The following A2ML1 variants were observed in gnomAD, a reference collection of about 807,000 sequenced individuals.
A2ML1 encodes alpha-2-macroglobulin like 1, also known as alpha-2-macroglobulin-like protein 1.
In A2ML1, 161 loss-of-function variants were observed where a neutral mutation model predicts 181.9. The observed-to-expected ratio is 0.89, with a 90% CI of 0.78 to 1.01. The LOEUF (loss-of-function observed/expected upper bound fraction) is 1.01, where lower values mean the gene tolerates loss of function less well. Ranked by LOEUF, A2ML1 falls within the 50% of genes least tolerant of loss-of-function variation. A2ML1 has a pLI of 0.00. For synonymous variants in A2ML1, 663 were observed against 666.8 expected, an observed-to-expected ratio of 0.99 and a Z score of 0.09; for missense variants, 1,670 against 1,768.1, an observed-to-expected ratio of 0.94 and a Z score of 1.00.
intron 11 of A2ML1, 43 bp from the exon 12 acceptor site, chr12:8,843,091 T>C: frequency 6.3e-7 from 1 of 1,575,724 alleles, no homozygotes; most frequent in Non-Finnish European, 8.7e-7. Context: ...GTTTCCATGG[T>C]TGGAGCACAT....
intron 4 of A2ML1, among the ~76,000 whole-genome samples, chr12:8,830,467 G>A (rs1365631423): frequency 6.6e-6 from 1 of 151,932 alleles, no homozygotes; most frequent in African/African-American, 2.4e-5. Context: ...TTTCTATGAG[G>A]CAAAATAATT....
intron 6 of A2ML1, among the ~76,000 whole-genome samples, chr12:8,835,952 G>A (rs1021325397): frequency 6.9e-6 from 1 of 144,952 alleles, no homozygotes. Flanking sequence ...GGTGCAGCTT[G>A]CAGTGAGCTG....
Position 8,857,490 on chromosome 12 carries a change from C to T in A2ML1, c.3026-17C>T, listed in dbSNP as rs986932259. Reference sequence around the variant, plus strand: ...TGAAGTTGTCGCTGTGATCTAAAACCACATTTGGCTTCCCAGGGTACCAGA... The same window carrying T: ...TGAAGTTGTCGCTGTGATCTAAAACTACATTTGGCTTCCCAGGGTACCAGA... On this transcript the variant is annotated splice_polypyrimidine_tract_variant and intron_variant, in intron 24 of 35. Coordinates refer to ENST00000299698, the MANE Select transcript of A2ML1 (RefSeq NM_144670.6). 3 of 1,611,156 alleles carry T rather than the reference C, an allele frequency of 1.9e-6. No homozygotes were observed. Among genetic ancestry groups the T allele is most frequent in the Admixed American group, 3.4e-5 (2 of 59,580 alleles).
chr12:8,852,091 C>T lies in A2ML1; in HGVS notation c.2463+79C>T. On this transcript the variant is annotated intron_variant, in intron 19 of 35. Coordinates refer to ENST00000299698, the MANE Select transcript of A2ML1 (RefSeq NM_144670.6). This position sits in a 1 kb window ranked among gnomAD's most constrained non-coding sequence, Gnocchi z 4.2. ...CATAAGTTTGTCTCTAAATTGGAAGCATCCCAATTTTCCCTGGGAAAGAGA... is the reference window on the plus strand; with the variant it reads ...CATAAGTTTGTCTCTAAATTGGAAGTATCCCAATTTTCCCTGGGAAAGAGA... The T allele has an allele frequency of 6.3e-7, 1 of 1,583,854 alleles. No individual in the cohort carries two copies. Among genetic ancestry groups the T allele is most frequent in the Non-Finnish European group, 8.6e-7 (1 of 1,158,330 alleles).
At chr12:8,823,938 G>C in intron 3 of A2ML1, 56 bp downstream of exon 3, 1 of 1,530,240 alleles carries the variant, frequency 6.5e-7, no homozygotes, top group South Asian at 1.3e-5. Context: ...CTGTGCACAG[G>C]GGTAAAGAGG....
chr12:8,872,096 G>C (rs7132113), intron 33 of A2ML1, among the ~76,000 whole-genome samples: 22 of 151,542 alleles, frequency 1.5e-4, no homozygotes, highest in South Asian at 6.3e-4. Flanking sequence ...CAAGAATGGC[G>C]TGAACCTGGG....
In A2ML1 at chr12:8,847,671, G is replaced by A. The variant is rs760704969; in HGVS notation, c.1806G>A (p.Arg602=). ...TGGATGAGAGTGTCTTACTGCTTAG[G>A]CCAGACAGAGAGCTGAGCAACCGCT... The part of the protein sequence containing the change: ...RAVDESVLLL[R]PDRELSNRSV... Residue 602 remains arginine, a synonymous_variant, in exon 15 of 36, where the codon AGG becomes AGA. Coordinates refer to ENST00000299698, the MANE Select transcript of A2ML1 (RefSeq NM_144670.6). 1.3e-5 allele frequency: 21 copies of A among 1,613,120 alleles called. No homozygotes were observed. In the East Asian group the frequency reaches 2.5e-4, roughly 19 times the overall value.
chr12:8,866,355 G>A (rs1944429269), intron 29 of A2ML1, among the ~76,000 whole-genome samples: 1 of 141,540 alleles, frequency 7.1e-6, no homozygotes, highest in Non-Finnish European at 1.5e-5. Flanking sequence ...ATATGGTAAT[G>A]ACTTAATTGA....
intron 18 of A2ML1, among the ~76,000 whole-genome samples, chr12:8,850,662 G>A (rs947970854): frequency 4.6e-5 from 7 of 152,158 alleles, no homozygotes; most frequent in South Asian, 2.1e-4. Flanking sequence ...AGAATCAGAC[G>A]CATTCCTAAT....
At chr12:8,871,819 C>T (rs1328397074) in intron 33 of A2ML1, among the ~76,000 whole-genome samples, 1 of 152,008 alleles carries the variant, frequency 6.6e-6, no homozygotes, top group Admixed American at 6.6e-5. Context: ...TTCTTACACT[C>T]CCCCACCGCC....
rs1944361312 is a variant in A2ML1 at position 8,864,073 on chromosome 12, A to G, written c.3717+65A>G. 7 of 1,470,296 alleles carry G rather than the reference A, an allele frequency of 4.8e-6. No individual in the cohort carries two copies. The Admixed American group carries it at 1.3e-4, about 26-fold the overall frequency. 91.1% of individuals were successfully genotyped at this position (1,470,296 alleles called of 1,614,324 possible). A position where few individuals can be genotyped will look rare whatever the true frequency, so the allele number is the denominator to read the frequency against. ...ATTAGATCTTGTGTGGAGATAGAGG[A>G]AAACATATTGTCCTTGCCTTCTCGG... On this transcript the variant is annotated intron_variant, in intron 29 of 35. Transcript: ENST00000299698.
rs1401369573 is a variant in A2ML1 at position 8,864,407 on chromosome 12, G to C, written c.3717+399G>C. ...AGGTGCCTGTAATCCCAGCTACTTAGGAGGCTGAGACAGGAGAATCGCTTG... is the reference window on the plus strand; with the variant it reads ...AGGTGCCTGTAATCCCAGCTACTTACGAGGCTGAGACAGGAGAATCGCTTG... On this transcript the variant is annotated intron_variant, in intron 29 of 35. Transcript: ENST00000299698. Among the ~76,000 whole-genome samples the C allele has an allele frequency of 1.5e-4, 2 of 13,066 alleles. 1 individual carries two copies. The highest frequency in any genetic ancestry group is 0.04 in the Non-Finnish European group (2 of 50). 8.6% of individuals were successfully genotyped at this position (13,066 alleles called of 152,430 possible).
intron 5 of A2ML1, chr12:8,835,033 G>GA: frequency 3.0e-6 from 1 of 329,810 alleles, no homozygotes; most frequent in East Asian, 5.8e-5. Context: ...ACAGGTACGT[G>GA]ATAACATAAA....
Position 8,823,810 on chromosome 12 carries a change from G to A in A2ML1, c.337G>A (p.Val113Ile). Reference protein sequence around the residue: ...NNISFEEKKKVLIQRQGNGTF... With the variant: ...NNISFEEKKKILIQRQGNGTF... Reference sequence around the variant, plus strand: ...CATCAGCTTTGAGGAGAAGAAAAAGGTTCTAATTCAGAGGCAGGGGAACGG... The same window carrying A: ...CATCAGCTTTGAGGAGAAGAAAAAGATTCTAATTCAGAGGCAGGGGAACGG... The change falls in exon 3 of 36, where the codon GTT becomes ATT. Residue 113 changes from valine to isoleucine, a missense_variant. Physicochemically the swap from Val to Ile is conservative, Grantham distance 29. Transcript: ENST00000299698. 6.2e-7 allele frequency: 1 copy of A among 1,614,110 alleles called. No homozygotes were observed. The highest frequency in any genetic ancestry group is 8.5e-7 in the Non-Finnish European group (1 of 1,180,032).
chr12:8,841,961 T>C (rs1008131979), intron 11 of A2ML1, among the ~76,000 whole-genome samples: 2 of 152,218 alleles, frequency 1.3e-5, no homozygotes, highest in Non-Finnish European at 2.9e-5. Context: ...CAATGCTTCT[T>C]ATCAAACAGC....
intron 4 of A2ML1, among the ~76,000 whole-genome samples, chr12:8,831,206 T>C (rs535303381): frequency 1.3e-5 from 2 of 152,154 alleles, no homozygotes; most frequent in African/African-American, 4.8e-5. Flanking sequence ...CTCGCTTTGG[T>C]CTCCCAAAGT....
At chr12:8,845,015 G>A in intron 12 of A2ML1, 1 of 1,421,928 alleles carries the variant, frequency 7.0e-7, no homozygotes, top group South Asian at 1.6e-5. Flanking sequence ...ATGTCAGAAG[G>A]GCTCAGGGTG....
chr12:8,825,531 C>A (rs750592166), intron 3 of A2ML1, among the ~76,000 whole-genome samples: 1 of 152,170 alleles, frequency 6.6e-6, no homozygotes, highest in South Asian at 2.1e-4. Context: ...CAAATATTTT[C>A]TTTCATTCTG....
chr12:8,868,504 G>A, intron 31 of A2ML1, 33 bp from the exon 32 acceptor site: 3 of 1,609,676 alleles, frequency 1.9e-6, no homozygotes, highest in Non-Finnish European at 2.5e-6. Flanking sequence ...TGAAGTAATA[G>A]GCTCACATGT....
Sources: gnomAD v4.1 joint callset for allele counts (sites outside exome capture counted in the v4.1 genomes callset) on GRCh38, gnomAD v4.1.1 for gene constraint, Gnocchi (gnomAD v3.1) non-coding constraint, MANE v1.5 for transcripts, NCBI Gene and HGNC (gene_info 2026-07-23, HGNC 2026-07-21) for gene names.